The following FOXP4 variants were observed in gnomAD, a reference collection of about 807,000 sequenced individuals.
The protein encoded by FOXP4 is forkhead box P4.
In FOXP4, 25 loss-of-function variants were observed where a neutral mutation model predicts 82.6. The observed-to-expected ratio is 0.30, with a 90% confidence interval of 0.22 to 0.42. The LOEUF is 0.42. Among genes scored for constraint, FOXP4 ranks in the 10% least tolerant of loss-of-function variants. FOXP4 has a pLI of 1.00. For synonymous variants in FOXP4, 415 were observed against 388.2 expected (o/e 1.07, Z -0.81); for missense variants, 785 against 900.9 (o/e 0.87, Z 1.65).
At chr6:41,577,593 T>G (rs897898689) in intron 2 of FOXP4, among the ~76,000 whole-genome samples, 1 of 152,180 alleles carries the variant, frequency 6.6e-6, no homozygotes, top group Admixed American at 6.5e-5. Context: ...CAGAGGAAGA[T>G]TAAATAAGCT....
At chr6:41,567,730 C>T (rs1029816925) in intron 2 of FOXP4, among the ~76,000 whole-genome samples, 35 of 152,212 alleles carry the variant, frequency 2.3e-4, no homozygotes, top group African/African-American at 8.2e-4. Flanking sequence ...AAAGACAGAA[C>T]TGTCTGTACT....
intron 2 of FOXP4, 129 bp downstream of exon 2, chr6:41,566,093 C>T (rs1764865410): frequency 1.9e-6 from 2 of 1,026,780 alleles, no homozygotes. Flanking sequence ...TAAGACAGTC[C>T]AGCCTCCAAG....
chr6:41,568,935 G>C (rs923488049), intron 2 of FOXP4, among the ~76,000 whole-genome samples: 1 of 152,322 alleles, frequency 6.6e-6, no homozygotes, highest in East Asian at 1.9e-4. Context: ...TCCATGCAAC[G>C]AGCAGGCTGG....
At chr6:41,568,745 C>T (rs1471259245) in intron 2 of FOXP4, among the ~76,000 whole-genome samples, 3 of 152,216 alleles carry the variant, frequency 2.0e-5, no homozygotes, top group African/African-American at 7.2e-5. Flanking sequence ...CCTTGTCCCT[C>T]TGCTCTCAGT....
In FOXP4 at chr6:41,577,981, T is replaced by G; in HGVS notation, c.205-5T>G. 1 of 1,610,790 alleles carries G rather than the reference T, an allele frequency of 6.2e-7. No individual in the cohort carries two copies. Among genetic ancestry groups the G allele is most frequent in the Non-Finnish European group, 8.5e-7 (1 of 1,179,358 alleles). ...GCCATTGCTGACTCAGCCCCTGTCT[T>G]GCAGGCTCTCCAAGTGGCCCGGCAG... On this transcript the variant is annotated splice_polypyrimidine_tract_variant and splice_region_variant and intron_variant, in intron 2 of 16. Transcript: ENST00000307972.
rs779746500 is a variant in FOXP4 at position 41,582,475 on chromosome 6, A to G, written c.301-2294A>G. On this transcript the variant is annotated intron_variant, in intron 3 of 16. Coordinates refer to ENST00000307972, the MANE Select transcript of FOXP4 (RefSeq NM_001012426.2). ...GGTGATTTCAAGGCTAGTAAATATC[A>G]GGGACAAAAACCAAGGTCACCTGAC... Among the ~76,000 whole-genome samples, 110 of 152,250 alleles carry G rather than the reference A, an allele frequency of 7.2e-4. 2 individuals are homozygous for G. The highest frequency in any genetic ancestry group is 4.3e-4 in the Non-Finnish European group (29 of 68,046).
At chr6:41,548,908 T>C (rs1763836479) in intron 1 of FOXP4, among the ~76,000 whole-genome samples, 2 of 148,800 alleles carry the variant, frequency 1.3e-5, no homozygotes, top group African/African-American at 5.0e-5. Flanking sequence ...GGAGGGAGGA[T>C]ACTGGGGCTC....
In FOXP4 at chr6:41,593,238, TTTC is replaced by T. The variant is rs1260663446; in HGVS notation, c.1537-1626_1537-1624del. Among the ~76,000 whole-genome samples, 2 of 152,240 alleles carry T rather than the reference TTTC, an allele frequency of 1.3e-5. No homozygotes were observed. Among genetic ancestry groups the T allele is most frequent in the Non-Finnish European group, 2.9e-5 (2 of 68,038 alleles). On this transcript the variant is annotated intron_variant, in intron 13 of 16. Coordinates refer to ENST00000307972, the MANE Select transcript of FOXP4 (RefSeq NM_001012426.2). The surrounding 1 kb of genome is among the most constrained non-coding windows in gnomAD (Gnocchi z 4.1). ...TGCTCCTCTCCCGAATTATTTGTGCTTTCTTCTTTCCCTTCTTCACCTTTGCTG... is the reference window on the plus strand; with the variant it reads ...TGCTCCTCTCCCGAATTATTTGTGCTTTCTTTCCCTTCTTCACCTTTGCTG...
At chr6:41,566,873 C>G (rs1764911156) in intron 2 of FOXP4, among the ~76,000 whole-genome samples, 1 of 152,178 alleles carries the variant, frequency 6.6e-6, no homozygotes. Context: ...TGCTCAGTAG[C>G]CCACTCCTGC....
chr6:41,562,145 C>A (rs1764619036), intron 1 of FOXP4, among the ~76,000 whole-genome samples: 1 of 152,210 alleles, frequency 6.6e-6, no homozygotes. Context: ...TGTGCTCATC[C>A]TTGGCGGGCA....
intron 2 of FOXP4, among the ~76,000 whole-genome samples, chr6:41,574,097 A>G (rs1765345121): frequency 6.6e-6 from 1 of 152,078 alleles, no homozygotes; most frequent in Non-Finnish European, 1.5e-5. Flanking sequence ...GTGTTTGGGT[A>G]TCTCTTGCCC....
chr6:41,565,285 G>A (rs1407484767), intron 1 of FOXP4, among the ~76,000 whole-genome samples: 5 of 152,128 alleles, frequency 3.3e-5, no homozygotes, highest in African/African-American at 7.2e-5. Flanking sequence ...GCTCAAACTC[G>A]GGAGGCGGAG....
chr6:41,587,943 G>A (rs1205881510), intron 8 of FOXP4, 46 bp downstream of exon 8: 2 of 1,066,562 alleles, frequency 1.9e-6, no homozygotes, highest in Non-Finnish European at 2.8e-6. Context: ...TTCCCCACAG[G>A]GCCTCTCCCC....
chr6:41,551,898 G>A (rs1186082447), intron 1 of FOXP4, among the ~76,000 whole-genome samples: 1 of 152,148 alleles, frequency 6.6e-6, no homozygotes, highest in Non-Finnish European at 1.5e-5. Context: ...GGAGGGACCC[G>A]GAGAAGGGGT....
At chr6:41,589,042 C>CTTTA (rs1243412790) in intron 9 of FOXP4, among the ~76,000 whole-genome samples, 1 of 152,204 alleles carries the variant, frequency 6.6e-6, no homozygotes, top group Non-Finnish European at 1.5e-5. Flanking sequence ...GTGCTAAATA[C>CTTTA]TTTATATAGC....
intron 14 of FOXP4, 100 bp from the exon 15 acceptor site, chr6:41,597,076 A>G: frequency 8.1e-7 from 1 of 1,240,094 alleles, no homozygotes; most frequent in Non-Finnish European, 1.2e-6. Context: ...AGGGAATGGG[A>G]CCCATTCCCA....
chr6:41,551,102 G>A (rs1763973267), intron 1 of FOXP4, among the ~76,000 whole-genome samples: 1 of 152,204 alleles, frequency 6.6e-6, no homozygotes. Context: ...ATCACAGCGG[G>A]AACCCTCTTT....
At chr6:41,595,419 C>T (rs13362583) in intron 14 of FOXP4, among the ~76,000 whole-genome samples, 14,012 of 152,106 alleles carry the variant, frequency 0.092, 680 homozygotes, top group Non-Finnish European at 0.099. Flanking sequence ...ACCAATTCAT[C>T]TTACGGCAGA....
chr6:41,576,366 G>A (rs755965682), intron 2 of FOXP4, among the ~76,000 whole-genome samples: 4 of 152,168 alleles, frequency 2.6e-5, no homozygotes, highest in Admixed American at 6.5e-5. Flanking sequence ...ATGAACGGAC[G>A]CGAAGGTGGT....
Sources: gnomAD v4.1 joint callset for allele counts (sites outside exome capture counted in the v4.1 genomes callset) on GRCh38, gnomAD v4.1.1 for gene constraint, Gnocchi (gnomAD v3.1) non-coding constraint, MANE v1.5 for transcripts, NCBI Gene and HGNC (gene_info 2026-07-23, HGNC 2026-07-21) for gene names.